The following LTBP1 variants were observed in gnomAD, a reference collection of about 807,000 sequenced individuals.
LTBP1 encodes latent-transforming growth factor beta-binding protein 1.
Under a neutral mutation model 207.6 loss-of-function variants are expected in LTBP1, and 129 were observed. The observed-to-expected ratio is 0.62, with a 90% confidence interval of 0.54 to 0.72. The LOEUF is 0.72. LTBP1 is among the 30% of genes least tolerant of loss of function. The pLI is 0.00. For missense variants in LTBP1, 2,281 were observed against 2,217.2 expected, an observed-to-expected ratio of 1.03 and a Z score of -0.58; for synonymous variants, 963 against 833.7, an observed-to-expected ratio of 1.16 and a Z score of -2.67.
intron 2 of LTBP1, among the ~76,000 whole-genome samples, chr2:33,013,384 G>A (rs1289518814): frequency 6.6e-6 from 1 of 151,202 alleles, no homozygotes; most frequent in Admixed American, 6.6e-5. Flanking sequence ...ATCTATTTCT[G>A]TTCTTTTTTT....
At chr2:33,368,432 G>A (rs2095026737) in intron 31 of LTBP1, among the ~76,000 whole-genome samples, 1 of 152,246 alleles carries the variant, frequency 6.6e-6, no homozygotes, top group South Asian at 2.1e-4. Context: ...ACAAATGCAG[G>A]TATCTTTTGG....
chr2:33,282,143 A>G (rs76673667), intron 19 of LTBP1, among the ~76,000 whole-genome samples: 2,786 of 151,726 alleles, frequency 0.018, 103 homozygotes, highest in African/African-American at 0.063. Flanking sequence ...TACTTTGTCA[A>G]CCAGATGAGT....
chr2:33,179,448 A>G (rs2086402039), intron 5 of LTBP1, among the ~76,000 whole-genome samples: 1 of 149,066 alleles, frequency 6.7e-6, no homozygotes, highest in Non-Finnish European at 1.5e-5. Context: ...ATAAATGCAT[A>G]TATTCTTAAA....
chr2:32,958,430 T>C (rs219435), intron 2 of LTBP1, among the ~76,000 whole-genome samples: 54,540 of 151,974 alleles, frequency 0.36, 10,398 homozygotes, highest in Non-Finnish European at 0.43. Context: ...TCCTGTTTGG[T>C]GCTCCCTAAG....
At chr2:32,989,749 A>G (rs1684123610) in intron 2 of LTBP1, among the ~76,000 whole-genome samples, 1 of 152,214 alleles carries the variant, frequency 6.6e-6, no homozygotes, top group Non-Finnish European at 1.5e-5. Flanking sequence ...AAATAGTGTA[A>G]TGGTCAAGGG....
chr2:33,257,077 TA>T (rs978041530), intron 11 of LTBP1, among the ~76,000 whole-genome samples: 5 of 150,680 alleles, frequency 3.3e-5, no homozygotes, highest in East Asian at 1.9e-4. Flanking sequence ...AAATGTTTAG[TA>T]AAAAAAAAGT....
chr2:33,382,708 C>A (rs2095230018), intron 31 of LTBP1, among the ~76,000 whole-genome samples: 1 of 152,152 alleles, frequency 6.6e-6, no homozygotes, highest in South Asian at 2.1e-4. Flanking sequence ...AATGGAGAAA[C>A]TAAGGCTAAA....
chr2:33,392,825 A>ATTTTAT (rs56879042), intron 32 of LTBP1, among the ~76,000 whole-genome samples: 4,799 of 151,934 alleles, frequency 0.032, 203 homozygotes, highest in African/African-American at 0.097. Flanking sequence ...ATTGTCGTAG[A>ATTTTAT]TTAAGTCTTT....
In LTBP1 at chr2:33,149,515, C is replaced by T. The variant is rs138905738; in HGVS notation, c.1201+14555C>T. On this transcript the variant is annotated intron_variant, in intron 5 of 33. Coordinates refer to ENST00000404816, the MANE Select transcript of LTBP1 (RefSeq NM_206943.4). ...TGATGGTGCCAGAGCAAACCCACAG[C>T]TTGCCTTTCAGCTGTCCTTGCACAT... 1.3e-3 allele frequency among the ~76,000 whole-genome samples: 200 copies of T among 152,312 alleles called. 3 individuals are homozygous for T. The highest frequency in any genetic ancestry group is 4.6e-3 in the African/African-American group (193 of 41,570).
intron 5 of LTBP1, among the ~76,000 whole-genome samples, chr2:33,180,544 C>T (rs892310420): frequency 4.6e-5 from 7 of 151,746 alleles, no homozygotes; most frequent in African/African-American, 1.2e-4. Flanking sequence ...CCCTGCCTCC[C>T]GCGTTCAAGT....
At chr2:33,256,676 T>C (rs1558896533) in intron 11 of LTBP1, among the ~76,000 whole-genome samples, 1 of 126,994 alleles carries the variant, frequency 7.9e-6, no homozygotes, top group African/African-American at 2.8e-5. Context: ...TAATATGATA[T>C]ATAGTATTTT....
chr2:33,122,813 T>C (rs2081216359), intron 4 of LTBP1, among the ~76,000 whole-genome samples: 1 of 150,100 alleles, frequency 6.7e-6, no homozygotes, highest in African/African-American at 2.5e-5. Context: ...TATGGCCAGC[T>C]GGTTCTGCGT....
intron 15 of LTBP1, among the ~76,000 whole-genome samples, chr2:33,271,311 G>A (rs1373846194): frequency 7.4e-6 from 1 of 135,524 alleles, no homozygotes; most frequent in Non-Finnish European, 1.6e-5. Context: ...TTTTTTTTTT[G>A]CAAATATGGT....
intron 7 of LTBP1, among the ~76,000 whole-genome samples, chr2:33,200,094 A>G (rs1344004932): frequency 2.0e-5 from 3 of 152,200 alleles, no homozygotes; most frequent in Admixed American, 2.0e-4. Context: ...CAAGCTACCA[A>G]TGACTTTCTT....
Position 33,240,742 on chromosome 2 carries a change from T to C in LTBP1, c.1877-2920T>C, listed in dbSNP as rs965789123. 2.1e-5 allele frequency among the ~76,000 whole-genome samples: 3 copies of C among 145,150 alleles called. 1 individual carries two copies. Among genetic ancestry groups the C allele is most frequent in the South Asian group, 4.5e-4 (2 of 4,436 alleles). The stretch of plus-strand genomic sequence containing the variant: ...CTCGGCTCACTCCAAGCTCCACCTC[T>C]CAGGTTCACGCCATTCTCCTGCCTC... On this transcript the variant is annotated intron_variant, in intron 9 of 33. Transcript: ENST00000404816.
intron 19 of LTBP1, among the ~76,000 whole-genome samples, chr2:33,286,620 T>A (rs2093668921): frequency 6.6e-6 from 1 of 152,230 alleles, no homozygotes; most frequent in Admixed American, 6.5e-5. Flanking sequence ...AGCTATTTAT[T>A]GAGCTGTTGT....
intron 26 of LTBP1, among the ~76,000 whole-genome samples, chr2:33,353,625 T>G (rs1015010039): frequency 1.3e-5 from 2 of 152,170 alleles, no homozygotes; most frequent in Non-Finnish European, 2.9e-5. Flanking sequence ...TTTTTAAAGA[T>G]TTAATAGGGG....
In LTBP1 at chr2:33,056,474, G is replaced by A. The variant is rs890535603; in HGVS notation, c.863+35268G>A. The A allele has an allele frequency of 4.7e-6, 4 of 852,248 alleles. No individual in the cohort carries two copies. The Admixed American group carries it at 1.0e-4, about 21-fold the overall frequency. 52.8% of individuals were successfully genotyped at this position (852,248 alleles called of 1,614,324 possible). A position where few individuals can be genotyped will look rare whatever the true frequency, so the allele number is the denominator to read the frequency against. ...TGTTGTTGCAAATTGCCAGCTGGAGGTGATGAGGGATGATGCGCGTCTTCT... is the reference window on the plus strand; with the variant it reads ...TGTTGTTGCAAATTGCCAGCTGGAGATGATGAGGGATGATGCGCGTCTTCT... On this transcript the variant is annotated intron_variant, in intron 3 of 33. Transcript: ENST00000404816.
At chr2:33,221,647 G>A (rs1168086652) in intron 8 of LTBP1, among the ~76,000 whole-genome samples, 1 of 152,152 alleles carries the variant, frequency 6.6e-6, no homozygotes, top group Non-Finnish European at 1.5e-5. Flanking sequence ...GGACACTTTG[G>A]GGAGTAAAGT....
Sources: allele counts gnomAD v4.1 joint callset (sites outside exome capture counted in the v4.1 genomes callset), GRCh38; gene constraint gnomAD v4.1.1; transcripts MANE v1.5; gene names NCBI Gene and HGNC (gene_info 2026-07-23, HGNC 2026-07-21).